Variants in DDR2 observed in about 807,000 individuals in gnomAD.
DDR2 encodes the protein discoidin domain receptor tyrosine kinase 2, also known as discoidin domain-containing receptor 2.
In DDR2, 27 loss-of-function variants were observed where a neutral mutation model predicts 94.9. The ratio of observed to expected loss-of-function variants is 0.28; its 90% CI spans 0.21 to 0.39. DDR2 has a LOEUF of 0.39. Among genes scored for constraint, DDR2 ranks in the 10% least tolerant of loss-of-function variants. The pLI, the probability that DDR2 is intolerant of heterozygous loss-of-function variation, is 1.00. For missense variants in DDR2, 783 were observed against 1,076.0 expected (o/e 0.73, Z 3.81); for synonymous variants, 382 against 377.2 (o/e 1.01, Z -0.15).
At chr1:162,696,392 C>A (rs1344635174) in intron 2 of DDR2, among the ~76,000 whole-genome samples, 3 of 151,994 alleles carry the variant, frequency 2.0e-5, no homozygotes, top group South Asian at 4.2e-4. Context: ...CCATCTCCCC[C>A]TGAAAGGCCA....
chr1:162,657,115 C>G (rs530872099), intron 2 of DDR2, among the ~76,000 whole-genome samples: 3 of 152,132 alleles, frequency 2.0e-5, no homozygotes, highest in Admixed American at 6.5e-5. Context: ...GCTGGGATTA[C>G]AGGCGTGAGC....
At chr1:162,713,427 TA>T (rs1661016649) in intron 2 of DDR2, among the ~76,000 whole-genome samples, 1 of 152,192 alleles carries the variant, frequency 6.6e-6, no homozygotes, top group Admixed American at 6.5e-5. Flanking sequence ...CAAATAAGGC[TA>T]AAGTCTCCCT....
intron 3 of DDR2, among the ~76,000 whole-genome samples, chr1:162,736,969 C>T (rs2102072425): frequency 6.6e-6 from 1 of 152,300 alleles, no homozygotes; most frequent in South Asian, 2.1e-4. Flanking sequence ...TCCATGTCTT[C>T]ACTATTGTGA....
At chr1:162,677,424 G>C (rs756738148) in intron 2 of DDR2, among the ~76,000 whole-genome samples, 5 of 152,174 alleles carry the variant, frequency 3.3e-5, no homozygotes, top group Non-Finnish European at 7.3e-5. Flanking sequence ...GGATTTAATA[G>C]CTGATTACAG....
intron 10 of DDR2, among the ~76,000 whole-genome samples, 168 bp from the exon 11 acceptor site, chr1:162,767,061 G>A (rs201337661): frequency 1.4e-5 from 2 of 145,416 alleles, no homozygotes. Context: ...ACAGTAGCAA[G>A]AAAACAAAAC....
intron 9 of DDR2, 136 bp from the exon 10 acceptor site, chr1:162,765,865 T>C: frequency 1.2e-6 from 1 of 800,876 alleles, no homozygotes; most frequent in Middle Eastern, 2.2e-4. Context: ...AACGTATTTA[T>C]GATTTTATCT....
intron 3 of DDR2, among the ~76,000 whole-genome samples, chr1:162,728,622 G>A (rs925118330): frequency 6.6e-6 from 1 of 152,116 alleles, no homozygotes; most frequent in African/African-American, 2.4e-5. Context: ...CAGAGTGCAG[G>A]TTCCTTTTGC....
chr1:162,654,313 G>C (rs559749975), intron 1 of DDR2, among the ~76,000 whole-genome samples: 25 of 151,994 alleles, frequency 1.6e-4, no homozygotes, highest in Non-Finnish European at 7.4e-5. Flanking sequence ...GGGCATGGTG[G>C]TGTGTGCCTG....
At chr1:162,657,737 C>A (rs146213032) in intron 2 of DDR2, among the ~76,000 whole-genome samples, 1 of 152,102 alleles carries the variant, frequency 6.6e-6, no homozygotes, top group African/African-American at 2.4e-5. Flanking sequence ...GCAGCACCGA[C>A]GGCCCCGTGC....
chr1:162,704,240 C>A (rs1362774524), intron 2 of DDR2, among the ~76,000 whole-genome samples: 2 of 152,152 alleles, frequency 1.3e-5, no homozygotes, highest in Non-Finnish European at 2.9e-5. Context: ...CTAATCCCTG[C>A]CTTGCTGAGA....
In DDR2 at chr1:162,697,826, A is replaced by G. The variant is rs572821424; in HGVS notation, c.-27-21211A>G. Among the ~76,000 whole-genome samples, 8 of 152,238 alleles carry G rather than the reference A, an allele frequency of 5.3e-5. No homozygotes were observed. The South Asian group carries it at 6.2e-4, about 12-fold the overall frequency. On this transcript the variant is annotated intron_variant, in intron 2 of 17. Coordinates refer to ENST00000367921, the MANE Select transcript of DDR2 (RefSeq NM_006182.4). ...GGCTTGAGTGTTAAGGAACTTGCTTAAACTCACACAGTTAGTAAAGGTCAG... is the reference window on the plus strand; with the variant it reads ...GGCTTGAGTGTTAAGGAACTTGCTTGAACTCACACAGTTAGTAAAGGTCAG...
chr1:162,716,134 A>G (rs1004688724), intron 2 of DDR2, among the ~76,000 whole-genome samples: 3 of 152,156 alleles, frequency 2.0e-5, no homozygotes, highest in African/African-American at 4.8e-5. Context: ...TAAATTAAGC[A>G]TGTGTTTTGG....
At position 162,784,021 on chromosome 1, in the gene DDR2, G is replaced by A. The variant is rs1325019069; in HGVS notation, c.*3775G>A. 1 of 152,146 alleles carries A rather than the reference G, an allele frequency of 6.6e-6. No homozygotes were observed. The highest frequency in any genetic ancestry group is 1.5e-5 in the Non-Finnish European group (1 of 68,040). The allele number at this position is 152,146 out of a possible 1,614,324, so 9.4% of individuals were successfully genotyped here. A position where few individuals can be genotyped will look rare whatever the true frequency, so the allele number is the denominator to read the frequency against. Reference sequence around the variant, plus strand: ...TTTCAATAATGTCCACCATTGCTGTGCCCAGAATAACCACAGGCAAACATC... The same window carrying A: ...TTTCAATAATGTCCACCATTGCTGTACCCAGAATAACCACAGGCAAACATC... On this transcript the variant is annotated 3_prime_UTR_variant, in exon 18 of 18. Coordinates refer to ENST00000367921, the MANE Select transcript of DDR2 (RefSeq NM_006182.4).
At position 162,642,533 on chromosome 1, in the gene DDR2, AC is replaced by A. The variant is rs572358687; in HGVS notation, c.-192+9905del. On this transcript the variant is annotated intron_variant, in intron 1 of 17. Coordinates refer to ENST00000367921, the MANE Select transcript of DDR2 (RefSeq NM_006182.4). ...TTGAATTCTCGACCTCAGGTGATCTACCCGCCTCAGCCTCCCAAAATGCTGG... is the reference window on the plus strand; with the variant it reads ...TTGAATTCTCGACCTCAGGTGATCTACCGCCTCAGCCTCCCAAAATGCTGG... Among the ~76,000 whole-genome samples the A allele has an allele frequency of 4.0e-3, 571 of 143,912 alleles. 6 individuals carry two copies. Among genetic ancestry groups the A allele is most frequent in the African/African-American group, 0.014 (538 of 38,540 alleles). 94.4% of individuals were successfully genotyped at this position (143,912 alleles called of 152,430 possible).
At chr1:162,732,527 C>T (rs1194460799) in intron 3 of DDR2, among the ~76,000 whole-genome samples, 2 of 152,210 alleles carry the variant, frequency 1.3e-5, no homozygotes, top group Non-Finnish European at 2.9e-5. Flanking sequence ...CCTTTCTGGG[C>T]CTCAGAGGTT....
At chr1:162,735,309 G>T (rs112902977) in intron 3 of DDR2, among the ~76,000 whole-genome samples, 3,028 of 152,212 alleles carry the variant, frequency 0.02, 82 homozygotes, top group African/African-American at 0.059. Context: ...CGAGGAAGAG[G>T]GGAGCGCTGA....
rs77369981 is a variant in DDR2 at position 162,722,730 on chromosome 1, G to A, written c.82+3585G>A. Among the ~76,000 whole-genome samples, 816 of 152,220 alleles carry A rather than the reference G, an allele frequency of 5.4e-3. 7 individuals are homozygous for A. Among genetic ancestry groups the A allele is most frequent in the African/African-American group, 0.019 (778 of 41,534 alleles). On this transcript the variant is annotated intron_variant, in intron 3 of 17. Coordinates refer to ENST00000367921, the MANE Select transcript of DDR2 (RefSeq NM_006182.4). Reference sequence around the variant, plus strand: ...CATAAATTAATTGTGTGACAGTGAGGGAGTTGTTACGTGTCTCTTTATACT... The same window carrying A: ...CATAAATTAATTGTGTGACAGTGAGAGAGTTGTTACGTGTCTCTTTATACT...
rs1260361107 is a variant in DDR2 at position 162,729,304 on chromosome 1, T to TG, written c.82+10159_82+10160insG. ...TTTATATATATATATATATATATTT[T>TG]TTTTTTTTTTTTTTTTCCTTGGGAG... On this transcript the variant is annotated intron_variant, in intron 3 of 17. Transcript: ENST00000367921. 5.1e-3 allele frequency among the ~76,000 whole-genome samples: 364 copies of TG among 70,760 alleles called. 14 individuals are homozygous for TG. The highest frequency in any genetic ancestry group is 0.021 in the African/African-American group (346 of 16,144). The allele number at this position is 70,760 out of a possible 152,430, so 46.4% of individuals were successfully genotyped here.
intron 3 of DDR2, among the ~76,000 whole-genome samples, chr1:162,740,755 G>A (rs910340238): frequency 2.6e-5 from 4 of 152,112 alleles, no homozygotes; most frequent in Admixed American, 2.6e-4. Context: ...CCAATGAATT[G>A]CTTAACGAAT....
Sources: gnomAD v4.1 joint callset for allele counts (sites outside exome capture counted in the v4.1 genomes callset) on GRCh38, gnomAD v4.1.1 for gene constraint, MANE v1.5 for transcripts, NCBI Gene and HGNC (gene_info 2026-07-23, HGNC 2026-07-21) for gene names.